The following DCLK1 variants were observed in gnomAD, a reference collection of about 807,000 sequenced individuals.
The protein encoded by DCLK1 is serine/threonine-protein kinase DCLK1.
Under a neutral mutation model 86.2 loss-of-function variants are expected in DCLK1, and 16 were observed. The ratio of observed to expected loss-of-function variants is 0.19; its 90% CI spans 0.13 to 0.28. DCLK1 has a LOEUF of 0.28. Among genes scored for constraint, DCLK1 ranks in the 10% least tolerant of loss-of-function variants. The pLI is 1.00. For missense variants in DCLK1, 590 were observed against 940.2 expected (o/e 0.63, Z 4.87); for synonymous variants, 369 against 370.5 (o/e 1.00, Z 0.05).
chr13:36,045,401 G>C (rs557917209), intron 3 of DCLK1, among the ~76,000 whole-genome samples: 1 of 128,594 alleles, frequency 7.8e-6, no homozygotes, highest in East Asian at 2.6e-4. Flanking sequence ...GCTAACATCA[G>C]TGAACTTTCC....
rs376352665 is a variant in DCLK1, at chr13:35,890,411, T to C, written c.824-19071A>G. Among the ~76,000 whole-genome samples the C allele has an allele frequency of 1.5e-4, 23 of 152,334 alleles. No homozygotes were observed. In the South Asian group the frequency reaches 4.6e-3, roughly 30 times the overall value. Reference sequence around the variant, plus strand: ...TGACAATTTACAATATTGGCCTATTTAGGTTGGCCTAATTCTTATTAATGA... The same window carrying C: ...TGACAATTTACAATATTGGCCTATTCAGGTTGGCCTAATTCTTATTAATGA... On this transcript the variant is annotated intron_variant, in intron 4 of 16. Transcript: ENST00000360631.
At chr13:35,833,174 C>T (rs1345569085) in intron 8 of DCLK1, among the ~76,000 whole-genome samples, 1 of 152,078 alleles carries the variant, frequency 6.6e-6, no homozygotes, top group Non-Finnish European at 1.5e-5. Flanking sequence ...TTTAATTCAT[C>T]TCTGGTGCCT....
Position 35,924,631 on chromosome 13 carries a change from CAGAGCA to C in DCLK1, c.823+22721_823+22726del, listed in dbSNP as rs544746336. The stretch of plus-strand genomic sequence containing the variant: ...TGCCACTGCACTCCAGCCTGGGTGA[CAGAGCA>C]AGACCCTGTCTTAAAAAATAAAAAT... On this transcript the variant is annotated intron_variant, in intron 4 of 16. Transcript: ENST00000360631. Among the ~76,000 whole-genome samples, 312 of 152,214 alleles carry C rather than the reference CAGAGCA, an allele frequency of 2.0e-3. 2 individuals carry two copies. Among genetic ancestry groups the C allele is most frequent in the African/African-American group, 7.0e-3 (291 of 41,532 alleles).
chr13:35,906,598 T>C (rs1322869394), intron 4 of DCLK1, among the ~76,000 whole-genome samples: 1 of 152,158 alleles, frequency 6.6e-6, no homozygotes, highest in African/African-American at 2.4e-5. Flanking sequence ...GTGGCCCAGT[T>C]AGACATGAAC....
At chr13:35,912,831 T>A (rs1310887269) in intron 4 of DCLK1, among the ~76,000 whole-genome samples, 1 of 152,090 alleles carries the variant, frequency 6.6e-6, no homozygotes, top group African/African-American at 2.4e-5. Flanking sequence ...AACACACCAC[T>A]GTCCACGGAC....
At chr13:36,008,220 TA>T (rs1331173915) in intron 3 of DCLK1, among the ~76,000 whole-genome samples, 13,338 of 34,824 alleles carry the variant, frequency 0.38, 1,466 homozygotes, top group African/African-American at 0.48. Context: ...TTATTATTAT[TA>T]TTATTATTTT....
chr13:36,004,917 T>C (rs71438080), intron 3 of DCLK1, among the ~76,000 whole-genome samples: 63 of 152,350 alleles, frequency 4.1e-4, no homozygotes, highest in Non-Finnish European at 7.6e-4. Flanking sequence ...CTACCACTTA[T>C]TGTCTACTGT....
At chr13:35,886,012 T>G (rs2153117768) in intron 4 of DCLK1, among the ~76,000 whole-genome samples, 1 of 97,768 alleles carries the variant, frequency 1.0e-5, no homozygotes, top group East Asian at 3.8e-4. Flanking sequence ...GGTTCCTTTT[T>G]TTTTTTTTTT....
intron 3 of DCLK1, among the ~76,000 whole-genome samples, chr13:36,000,817 G>C (rs1007120116): frequency 3.3e-5 from 5 of 152,130 alleles, no homozygotes; most frequent in African/African-American, 1.2e-4. Context: ...CCAGTACTCA[G>C]CACATAGGTG....
intron 15 of DCLK1, among the ~76,000 whole-genome samples, chr13:35,803,160 G>T (rs2086956625): frequency 6.6e-6 from 1 of 152,194 alleles, no homozygotes; most frequent in Non-Finnish European, 1.5e-5. Context: ...TCAACTGCAA[G>T]CTTGGCTACT....
At chr13:35,797,439 C>T (rs2086834890) in intron 15 of DCLK1, among the ~76,000 whole-genome samples, 1 of 152,140 alleles carries the variant, frequency 6.6e-6, no homozygotes, top group South Asian at 2.1e-4. Context: ...TGTCAAGGTT[C>T]CTAGCAACTC....
chr13:35,894,497 T>C (rs1873831644), intron 4 of DCLK1, among the ~76,000 whole-genome samples: 1 of 152,182 alleles, frequency 6.6e-6, no homozygotes, highest in Non-Finnish European at 1.5e-5. Context: ...AAAGCTAATA[T>C]GCACTGGGCA....
intron 11 of DCLK1, among the ~76,000 whole-genome samples, chr13:35,813,879 T>C (rs1418806400): frequency 6.9e-6 from 1 of 144,924 alleles, no homozygotes; most frequent in East Asian, 2.0e-4. Flanking sequence ...CACAAGTACA[T>C]TTGAAATGCT....
At chr13:36,000,989 C>T (rs1024455040) in intron 3 of DCLK1, among the ~76,000 whole-genome samples, 5 of 149,644 alleles carry the variant, frequency 3.3e-5, no homozygotes, top group Admixed American at 2.0e-4. Context: ...ACTTTTGTTG[C>T]CCAGGCTGGG....
chr13:35,800,857 C>T (rs1182796103), intron 15 of DCLK1, among the ~76,000 whole-genome samples: 2 of 150,830 alleles, frequency 1.3e-5, no homozygotes, highest in Non-Finnish European at 2.9e-5. Context: ...GCTGGGATTA[C>T]AGGCACCCAC....
intron 10 of DCLK1, 88 bp downstream of exon 10, chr13:35,827,547 T>C (rs1480330603): frequency 4.0e-6 from 6 of 1,495,042 alleles, no homozygotes; most frequent in Non-Finnish European, 5.5e-6. Context: ...ACCTGAATAC[T>C]GATGGGAGAA....
At chr13:35,983,864 G>A (rs1339355904) in intron 3 of DCLK1, among the ~76,000 whole-genome samples, 1 of 152,206 alleles carries the variant, frequency 6.6e-6, no homozygotes, top group Non-Finnish European at 1.5e-5. Context: ...TTGAACAGGA[G>A]ACTGCACTGA....
chr13:35,776,308 TA>T lies in DCLK1; in HGVS notation c.2059-1610del, dbSNP rs531983427. ...CTGTTTGTGTAGAGTTGAATGTTTG[TA>T]AAAAAAACAGACGTCTATTTAGTCT... On this transcript the variant is annotated intron_variant, in intron 16 of 16. Coordinates refer to ENST00000360631, the MANE Select transcript of DCLK1 (RefSeq NM_001330071.2). Among the ~76,000 whole-genome samples the T allele has an allele frequency of 2.3e-4, 35 of 152,098 alleles. No homozygotes were observed. In the East Asian group the frequency reaches 5.8e-3, roughly 25 times the overall value.
intron 4 of DCLK1, among the ~76,000 whole-genome samples, chr13:35,930,528 G>A (rs1449711267): frequency 1.3e-5 from 2 of 152,144 alleles, no homozygotes; most frequent in African/African-American, 4.8e-5. Context: ...TTGAACCCAG[G>A]AGAGGAGGTT....
Sources: gnomAD v4.1 joint callset for allele counts (sites outside exome capture counted in the v4.1 genomes callset) on GRCh38, gnomAD v4.1.1 for gene constraint, MANE v1.5 for transcripts, NCBI Gene and HGNC (gene_info 2026-07-23, HGNC 2026-07-21) for gene names.